Variants in SRGAP1 observed in about 807,000 individuals in gnomAD.
The protein encoded by SRGAP1 is SLIT-ROBO Rho GTPase-activating protein 1.
SRGAP1 carries 43 observed loss-of-function variants against 121.9 expected under a neutral mutation model. The observed-to-expected ratio is 0.35, with a 90% CI of 0.28 to 0.46. The LOEUF (loss-of-function observed/expected upper bound fraction) is 0.46. SRGAP1 is among the 20% of genes least tolerant of loss of function. The pLI is 1.00. For synonymous variants in SRGAP1, 447 were observed against 485.4 expected, an observed-to-expected ratio of 0.92 and a Z score of 1.04; for missense variants, 1,102 against 1,350.9, an observed-to-expected ratio of 0.82 and a Z score of 2.89.
intron 21 of SRGAP1, among the ~76,000 whole-genome samples, chr12:64,139,939 C>T (rs1274900480): frequency 2.0e-5 from 3 of 151,540 alleles, no homozygotes; most frequent in African/African-American, 4.8e-5. Flanking sequence ...GGAAGGGATC[C>T]AGTTTCAGCT....
At chr12:63,995,557 A>G (rs187345248) in intron 3 of SRGAP1, among the ~76,000 whole-genome samples, 31 of 152,272 alleles carry the variant, frequency 2.0e-4, no homozygotes, top group Admixed American at 1.9e-3. Context: ...ATAGGACACT[A>G]TGGTTCTTGT....
chr12:64,041,875 ATATTATTATTATTATTATTATTAT>A lies in SRGAP1; in HGVS notation c.490-898_490-875del, dbSNP rs10689107. Among the ~76,000 whole-genome samples, 257 of 138,616 alleles carry A rather than the reference ATATTATTATTATTATTATTATTAT, an allele frequency of 1.9e-3. 3 individuals carry two copies. The highest frequency in any genetic ancestry group is 6.5e-3 in the African/African-American group (242 of 37,276). The allele number at this position is 138,616 out of a possible 152,430, so 90.9% of individuals were successfully genotyped here. ...CTTTTTATTTTCTTTATTTTCTTTT[ATATTATTATTATTATTATTATTAT>A]TATTATTATTATTATTTGAGATGGA... On this transcript the variant is annotated intron_variant, in intron 4 of 21. Transcript: ENST00000355086.
chr12:64,133,083 C>T (rs2036810095), intron 21 of SRGAP1, among the ~76,000 whole-genome samples: 1 of 152,250 alleles, frequency 6.6e-6, no homozygotes, highest in South Asian at 2.1e-4. Context: ...ATCCATCTGT[C>T]TTCTGCACAG....
At chr12:64,100,545 G>A (rs2036237345) in intron 15 of SRGAP1, among the ~76,000 whole-genome samples, 1 of 152,134 alleles carries the variant, frequency 6.6e-6, no homozygotes, top group Admixed American at 6.5e-5. Context: ...GATTTTAATA[G>A]GATTGTTAAT....
intron 1 of SRGAP1, among the ~76,000 whole-genome samples, chr12:63,941,290 GA>G (rs1419966725): frequency 1.3e-5 from 2 of 151,864 alleles, no homozygotes; most frequent in East Asian, 3.9e-4. Flanking sequence ...ATAAAAAAAG[GA>G]ATGGCTGTTA....
chr12:63,897,338 T>C (rs11175205), intron 1 of SRGAP1, among the ~76,000 whole-genome samples: 5,016 of 152,296 alleles, frequency 0.033, 316 homozygotes, highest in African/African-American at 0.11. Flanking sequence ...TGCAGCCAAA[T>C]TTAGGCTTGA....
chr12:63,897,802 G>C (rs909757520), intron 1 of SRGAP1, among the ~76,000 whole-genome samples: 2 of 152,112 alleles, frequency 1.3e-5, no homozygotes, highest in Non-Finnish European at 2.9e-5. Flanking sequence ...CAGTCTTTCT[G>C]GGGATTTTAT....
chr12:64,150,818 C>G lies in SRGAP1; in HGVS notation c.*8146C>G, dbSNP rs1209795491. ...GACATAGTAGTACATGCCTATAGTA[C>G]TAGGTACTTGGGAGGCTGAGGCAGG... On this transcript the variant is annotated 3_prime_UTR_variant, in exon 22 of 22. Coordinates refer to ENST00000355086, the MANE Select transcript of SRGAP1 (RefSeq NM_020762.4). The G allele has an allele frequency of 2.2e-5, 3 of 136,440 alleles. No individual in the cohort carries two copies. The highest frequency in any genetic ancestry group is 4.9e-5 in the Non-Finnish European group (3 of 61,754). 8.5% of individuals were successfully genotyped at this position (136,440 alleles called of 1,614,324 possible).
intron 3 of SRGAP1, among the ~76,000 whole-genome samples, chr12:63,998,225 T>A (rs1386910672): frequency 6.6e-6 from 1 of 152,226 alleles, no homozygotes; most frequent in Non-Finnish European, 1.5e-5. Context: ...GCTCAGTAAA[T>A]ATTTATTGAA....
At chr12:63,981,021 ATGT>A (rs1228139786) in intron 1 of SRGAP1, among the ~76,000 whole-genome samples, 1 of 152,130 alleles carries the variant, frequency 6.6e-6, no homozygotes, top group African/African-American at 2.4e-5. Context: ...ATTATCCTCC[ATGT>A]TTTGGAGTTG....
intron 1 of SRGAP1, among the ~76,000 whole-genome samples, chr12:63,954,677 C>CAAAAAAAAAAAAAAAAAAAAAAAA (rs60508657): frequency 1.9e-5 from 2 of 104,612 alleles, no homozygotes; most frequent in African/African-American, 7.1e-5. Context: ...GACTCCATCT[C>CAAAAAAAAAAAAAAAAAAAAAAAA]AAAAAAAAAA....
At chr12:63,917,854 A>C (rs559377403) in intron 1 of SRGAP1, among the ~76,000 whole-genome samples, 21 of 152,280 alleles carry the variant, frequency 1.4e-4, no homozygotes, top group Admixed American at 5.9e-4. Flanking sequence ...AGTTCATGGG[A>C]TGATGTGTCT....
rs763680592 is a variant in SRGAP1, at chr12:64,142,367, GC to G, written c.2957del (p.Pro986LeufsTer11). On this transcript the variant is annotated frameshift_variant, in exon 22 of 22. Coordinates refer to ENST00000355086, the MANE Select transcript of SRGAP1 (RefSeq NM_020762.4). ...ELERQSTAKH[A>X]PDVVLDTLEQ... ...GGAGAGACAGAGCACAGCAAAGCAT[GC>G]CCCTGATGTGGTGCTGGATACCCTG... is the stretch of plus-strand genomic sequence containing the variant. 1 of 1,613,954 alleles carries G rather than the reference GC, an allele frequency of 6.2e-7. No homozygotes were observed. Among genetic ancestry groups the G allele is most frequent in the Non-Finnish European group, 8.5e-7 (1 of 1,179,992 alleles).
chr12:64,091,303 G>A lies in SRGAP1; in HGVS notation c.1464G>A (p.Gln488=). The A allele has an allele frequency of 6.2e-7, 1 of 1,609,348 alleles. No individual in the cohort carries two copies. Among genetic ancestry groups the A allele is most frequent in the African/African-American group, 1.3e-5 (1 of 74,938 alleles). ...TRPPNVPPKP[Q]KHRKSRPRSQ... ...CTCCAAATGTTCCCCCTAAGCCCCAGAAACACAGGAAGTCCAGGCCCCGCT... is the reference window on the plus strand; with the variant it reads ...CTCCAAATGTTCCCCCTAAGCCCCAAAAACACAGGAAGTCCAGGCCCCGCT... Residue 488 remains glutamine, a synonymous_variant, in exon 12 of 22, where the codon CAG becomes CAA. Coordinates refer to ENST00000355086, the MANE Select transcript of SRGAP1 (RefSeq NM_020762.4).
chr12:64,043,935 T>C (rs980949881), intron 6 of SRGAP1, among the ~76,000 whole-genome samples: 1 of 152,174 alleles, frequency 6.6e-6, no homozygotes, highest in Non-Finnish European at 1.5e-5. Flanking sequence ...TACTGTGAGA[T>C]GCTGAAGCTC....
intron 21 of SRGAP1, among the ~76,000 whole-genome samples, chr12:64,138,847 ATTGAG>A (rs2036907489): frequency 6.6e-6 from 1 of 152,168 alleles, no homozygotes; most frequent in Admixed American, 6.5e-5. Flanking sequence ...TATTCAGTTA[ATTGAG>A]TTAACTCAAA....
At chr12:63,869,976 G>A (rs573361650) in intron 1 of SRGAP1, among the ~76,000 whole-genome samples, 2 of 152,254 alleles carry the variant, frequency 1.3e-5, no homozygotes, top group South Asian at 4.2e-4. Context: ...CACATAGCTG[G>A]TAAATGGTGG....
intron 1 of SRGAP1, among the ~76,000 whole-genome samples, chr12:63,865,476 C>T (rs1045503297): frequency 3.3e-5 from 5 of 151,612 alleles, no homozygotes; most frequent in Admixed American, 6.6e-5. Context: ...CCCCACCCGC[C>T]GCTGCCAAAA....
chr12:63,914,462 C>T (rs1024421314), intron 1 of SRGAP1, among the ~76,000 whole-genome samples: 1 of 152,146 alleles, frequency 6.6e-6, no homozygotes, highest in Non-Finnish European at 1.5e-5. Flanking sequence ...TTTCTGATGT[C>T]TCCCTATATC....
Sources: gnomAD v4.1 joint callset for allele counts (sites outside exome capture counted in the v4.1 genomes callset) on GRCh38, gnomAD v4.1.1 for gene constraint, MANE v1.5 for transcripts, NCBI Gene and HGNC (gene_info 2026-07-23, HGNC 2026-07-21) for gene names.